PDXDC1: variants seen among roughly 807,000 people sequenced by gnomAD.
The protein encoded by PDXDC1 is pyridoxal dependent decarboxylase domain containing 1.
In PDXDC1, 42 loss-of-function variants were observed where a neutral mutation model predicts 100.1. The ratio of observed to expected loss-of-function variants is 0.42; its 90% confidence interval spans 0.33 to 0.54. The LOEUF (loss-of-function observed/expected upper bound fraction) is 0.54. Ranked by LOEUF, PDXDC1 falls within the 20% of genes least tolerant of loss-of-function variation. The pLI is 0.10. For synonymous variants in PDXDC1, 260 were observed against 371.7 expected, an observed-to-expected ratio of 0.70 and a Z score of 3.46; for missense variants, 636 against 979.2, an observed-to-expected ratio of 0.65 and a Z score of 4.68.
chr16:15,056,357 G>C (rs1411131795), intron 16 of PDXDC1, among the ~76,000 whole-genome samples: 1 of 152,252 alleles, frequency 6.6e-6, no homozygotes, highest in Admixed American at 6.5e-5. Flanking sequence ...TTCCTGGGGC[G>C]GGTTCTGGCT....
At chr16:15,140,305 G>A (rs1359848364), downstream of PDXDC1, among the ~76,000 whole-genome samples, 3 of 149,702 alleles carry the variant, frequency 2.0e-5, no homozygotes, top group South Asian at 2.1e-4. Context: ...TTAGTTGGGC[G>A]TGGTGGCAAG....
At chr16:15,023,882 T>A (rs2042387196) in intron 13 of PDXDC1, among the ~76,000 whole-genome samples, 1 of 152,296 alleles carries the variant, frequency 6.6e-6, no homozygotes, top group Non-Finnish European at 1.5e-5. Flanking sequence ...TCATTTTCTT[T>A]CCAAGCTTGA....
At chr16:15,140,166 C>T (rs1242000192), downstream of PDXDC1, among the ~76,000 whole-genome samples, 3 of 147,814 alleles carry the variant, frequency 2.0e-5, no homozygotes, top group Non-Finnish European at 3.0e-5. Context: ...GGGAAAGAGC[C>T]GGGTGCAATG....
chr16:15,085,580 A>G, intron 16 of PDXDC1: 1 of 1,590,586 alleles, frequency 6.3e-7, no homozygotes, highest in Middle Eastern at 1.7e-4. Flanking sequence ...GGCTTCCCAA[A>G]GTGCTGGGAT....
intron 16 of PDXDC1, among the ~76,000 whole-genome samples, chr16:15,070,556 G>A (rs2045179942): frequency 6.6e-6 from 1 of 152,088 alleles, no homozygotes; most frequent in Non-Finnish European, 1.5e-5. Context: ...CCCTCTTAAG[G>A]TGATTGGCCA....
intron 16 of PDXDC1, chr16:15,122,041 G>T (rs1358799836): frequency 3.5e-6 from 1 of 289,674 alleles, no homozygotes; most frequent in South Asian, 2.9e-5. Flanking sequence ...GCCAGGCGTT[G>T]TAATCTGAGC....
chr16:14,978,451 A>G (rs563917027), intron 1 of PDXDC1, among the ~76,000 whole-genome samples: 70 of 152,408 alleles, frequency 4.6e-4, no homozygotes, highest in Non-Finnish European at 8.2e-4. Context: ...GAGCCGTGGT[A>G]CAATCTCGGC....
intron 16 of PDXDC1, among the ~76,000 whole-genome samples, chr16:15,080,607 C>T (rs1157771971): frequency 6.6e-6 from 1 of 152,076 alleles, no homozygotes; most frequent in Non-Finnish European, 1.5e-5. Flanking sequence ...TTAATTTTTC[C>T]TTTTAGAGAG....
chr16:15,123,063 C>T (rs1289392685), intron 16 of PDXDC1, among the ~76,000 whole-genome samples: 2 of 150,642 alleles, frequency 1.3e-5, no homozygotes, highest in Non-Finnish European at 3.0e-5. Context: ...GGCTTAGGAG[C>T]AATTAGAGGG....
intron 14 of PDXDC1, among the ~76,000 whole-genome samples, chr16:15,028,334 G>C (rs2042784270): frequency 6.6e-6 from 1 of 152,290 alleles, no homozygotes; most frequent in Non-Finnish European, 1.5e-5. Flanking sequence ...AGCCTTCCCT[G>C]CCTATCGTGC....
intron 16 of PDXDC1, among the ~76,000 whole-genome samples, chr16:15,126,189 G>A (rs1247398798): frequency 3.3e-5 from 5 of 151,378 alleles, no homozygotes; most frequent in East Asian, 1.9e-4. Flanking sequence ...TGCCTGCCAC[G>A]ATGCCCAGCT....
At chr16:15,049,477 G>A (rs1470314336) in intron 16 of PDXDC1, among the ~76,000 whole-genome samples, 2 of 151,134 alleles carry the variant, frequency 1.3e-5, no homozygotes, top group Admixed American at 1.3e-4. Flanking sequence ...TGCCCAGGCT[G>A]GAGTGCAGTG....
At chr16:15,073,024 C>T (rs759465979) in intron 16 of PDXDC1, 1 of 1,613,238 alleles carries the variant, frequency 6.2e-7, no homozygotes, top group South Asian at 1.1e-5. Context: ...AGGAGTTTGT[C>T]AAAGATGTTT....
At chr16:15,065,226 G>A in intron 16 of PDXDC1, 1 of 1,612,756 alleles carries the variant, frequency 6.2e-7, no homozygotes, top group African/African-American at 1.3e-5. Flanking sequence ...TACCTCTTCA[G>A]CACACAGGGA....
intron 16 of PDXDC1, among the ~76,000 whole-genome samples, chr16:15,117,457 G>C (rs867415325): frequency 6.7e-6 from 1 of 149,156 alleles, no homozygotes; most frequent in Non-Finnish European, 1.5e-5. Context: ...AAGAGATGGA[G>C]ACTATCCTGG....
chr16:14,990,678 G>A (rs561445060), intron 1 of PDXDC1, among the ~76,000 whole-genome samples: 1 of 152,402 alleles, frequency 6.6e-6, no homozygotes, highest in South Asian at 2.1e-4. Context: ...AACTATCAGT[G>A]CTGCTTTTCC....
chr16:15,039,971 G>T, downstream of PDXDC1: 3 of 1,564,018 alleles, frequency 1.9e-6, no homozygotes, highest in Non-Finnish European at 8.8e-7. Context: ...AAACTCACTG[G>T]TCCTCCTGCT....
intron 16 of PDXDC1, chr16:15,125,422 A>T: frequency 1.2e-6 from 1 of 824,886 alleles, no homozygotes; most frequent in Non-Finnish European, 2.1e-6. Flanking sequence ...CTTCCGAGCA[A>T]ACCTGCTCCC....
intron 13 of PDXDC1, among the ~76,000 whole-genome samples, chr16:15,023,266 A>T (rs1405751442): frequency 6.6e-6 from 1 of 152,284 alleles, no homozygotes; most frequent in Non-Finnish European, 1.5e-5. Context: ...AGGCATAACT[A>T]GACAAGGAAA....
Sources: allele counts gnomAD v4.1 joint callset (sites outside exome capture counted in the v4.1 genomes callset), GRCh38; gene constraint gnomAD v4.1.1; transcripts MANE v1.5; gene names NCBI Gene and HGNC (gene_info 2026-07-23, HGNC 2026-07-21).